The following PDK3 variants were observed in gnomAD, a reference collection of about 807,000 sequenced individuals.
PDK3 encodes the protein pyruvate dehydrogenase kinase, isozyme 3.
A neutral mutation model predicts 32.0 loss-of-function variants in PDK3; 12 were observed. The ratio of observed to expected loss-of-function variants is 0.37; its 90% confidence interval spans 0.24 to 0.61. PDK3 has a LOEUF of 0.61. Among genes scored for constraint, PDK3 ranks in the 20% least tolerant of loss-of-function variants. PDK3 has a pLI of 0.65. For missense variants in PDK3, 188 were observed against 316.9 expected (o/e 0.59, Z 3.09); for synonymous variants, 122 against 116.3 (o/e 1.05, Z -0.31).
rs745489046 is a variant in PDK3, at chrX:24,486,360, A to C, written c.107-8382A>C. ...GTTGTCTGTCCCAAGCATCAGACTT[A>C]GGAGTGAAGGGGCCCTCGGATGTTT... On this transcript the variant is annotated intron_variant, in intron 1 of 10. Transcript: ENST00000379162. Among the ~76,000 whole-genome samples, 3 of 111,403 alleles carry C rather than the reference A, an allele frequency of 2.7e-5. No individual in the cohort carries two copies. In the East Asian group the frequency reaches 8.4e-4, roughly 31 times the overall value.
At chrX:24,479,860 GAGTACTT>G (rs769172338) in intron 1 of PDK3, among the ~76,000 whole-genome samples, 1 of 111,673 alleles carries the variant, frequency 9.0e-6, no homozygotes, top group Admixed American at 9.5e-5. Context: ...AGCACTTACT[GAGTACTT>G]ACCAACTAAA....
At chrX:24,534,905 T>C (rs1461859310), downstream of PDK3, among the ~76,000 whole-genome samples, 1 of 112,429 alleles carries the variant, frequency 8.9e-6, no homozygotes, top group African/African-American at 3.2e-5. Context: ...TGTAGTGAGC[T>C]ATGATTCGCA....
chrX:24,549,523 C>T (rs955836380), exon 12 of PDK3: 1 of 111,769 alleles, frequency 8.9e-6, no homozygotes, highest in Admixed American at 9.6e-5. Context: ...CCCTCATTTC[C>T]ATTATGTTCA....
At chrX:24,482,103 GT>G (rs1921276100) in intron 1 of PDK3, among the ~76,000 whole-genome samples, 1 of 112,487 alleles carries the variant, frequency 8.9e-6, no homozygotes, top group East Asian at 2.8e-4. Context: ...CACATTAAGT[GT>G]TTCCATTTCT....
At chrX:24,537,273 C>T (rs961056788), downstream of PDK3, among the ~76,000 whole-genome samples, 1 of 99,976 alleles carries the variant, frequency 1.0e-5, no homozygotes, top group African/African-American at 3.7e-5. Context: ...TGAGCCACCA[C>T]GCCTGGCTAT....
At chrX:24,493,535 G>T (rs1921624926) in intron 1 of PDK3, among the ~76,000 whole-genome samples, 1 of 111,207 alleles carries the variant, frequency 9.0e-6, no homozygotes, top group South Asian at 3.8e-4. Context: ...CTCTCTCTGG[G>T]CCTGGCCATG....
chrX:24,543,593 G>C (rs1250862067), exon 12 of PDK3, among the ~76,000 whole-genome samples: 1 of 111,068 alleles, frequency 9.0e-6, no homozygotes, highest in East Asian at 2.8e-4. Flanking sequence ...GGGACTACAG[G>C]CTTATGCCAC....
chrX:24,494,655 C>T, intron 1 of PDK3, 87 bp from the exon 2 acceptor site: 1 of 596,715 alleles, frequency 1.7e-6, no homozygotes, highest in Non-Finnish European at 2.6e-6. Context: ...CTCTTTCCAA[C>T]CAGTAGTAAC....
intron 9 of PDK3, among the ~76,000 whole-genome samples, chrX:24,528,540 T>C (rs1922575692): frequency 8.9e-6 from 1 of 112,798 alleles, no homozygotes; most frequent in Non-Finnish European, 1.9e-5. Flanking sequence ...GGGACAGTAC[T>C]GAATGCATAG....
chrX:24,500,038 C>T (rs956750412), intron 3 of PDK3, among the ~76,000 whole-genome samples: 12 of 111,226 alleles, frequency 1.1e-4, no homozygotes, highest in African/African-American at 3.9e-4. Context: ...AGCTGGTAAC[C>T]GTTTGGCAGA....
chrX:24,550,381 T>G (rs1478136974), exon 12 of PDK3: 3 of 112,178 alleles, frequency 2.7e-5, no homozygotes, highest in African/African-American at 6.5e-5. Flanking sequence ...CAATCTGTGG[T>G]GTCTGTCATA....
downstream of PDK3, among the ~76,000 whole-genome samples, chrX:24,535,521 AAGAAG>A (rs1355458488): frequency 4.3e-3 from 398 of 93,035 alleles, 1 homozygote; most frequent in African/African-American, 0.016. Context: ...AAAAAAAAAA[AAGAAG>A]AAGAAGAAGA....
At chrX:24,500,423 T>G (rs981963569) in intron 3 of PDK3, among the ~76,000 whole-genome samples, 1 of 111,747 alleles carries the variant, frequency 8.9e-6, no homozygotes, top group Non-Finnish European at 1.9e-5. Context: ...CTGCGGATAC[T>G]GAGAGACGAC....
intron 7 of PDK3, 43 bp from the exon 8 acceptor site, chrX:24,527,531 G>A: frequency 1.2e-6 from 1 of 811,883 alleles, no homozygotes; most frequent in Non-Finnish European, 1.8e-6. Flanking sequence ...ATTGTGGTTT[G>A]TGATTCGGCA....
intron 1 of PDK3, among the ~76,000 whole-genome samples, chrX:24,470,570 C>T (rs769280114): frequency 5.2e-3 from 555 of 107,608 alleles, no homozygotes; most frequent in Non-Finnish European, 8.9e-3. Flanking sequence ...GCCTGTAATC[C>T]CAGCTACTGG....
chrX:24,539,259 A>G (rs1236174742), downstream of PDK3: 12 of 568,432 alleles, frequency 2.1e-5, no homozygotes, highest in South Asian at 3.1e-5. Context: ...TGAGCGTGGC[A>G]TCACAGTTAT....
At chrX:24,495,964 C>T (rs959659541) in intron 2 of PDK3, among the ~76,000 whole-genome samples, 10 of 111,931 alleles carry the variant, frequency 8.9e-5, no homozygotes, top group Non-Finnish European at 3.8e-5. Context: ...GTCCAGGAAG[C>T]AGGGACAAAG....
intron 1 of PDK3, among the ~76,000 whole-genome samples, chrX:24,488,803 T>G (rs1455858778): frequency 8.9e-6 from 1 of 112,575 alleles, no homozygotes; most frequent in African/African-American, 3.2e-5. Context: ...ATGACCTGTT[T>G]GCATCCACTA....
intron 3 of PDK3, among the ~76,000 whole-genome samples, chrX:24,500,006 C>T (rs935393594): frequency 4.5e-5 from 5 of 111,276 alleles, no homozygotes; most frequent in African/African-American, 1.3e-4. Context: ...AATCCAGGAG[C>T]TTTGTTTTCT....
Sources: gnomAD v4.1 joint callset for allele counts (sites outside exome capture counted in the v4.1 genomes callset) on GRCh38, gnomAD v4.1.1 for gene constraint, MANE v1.5 for transcripts, NCBI Gene and HGNC (gene_info 2026-07-23, HGNC 2026-07-21) for gene names.